SLC8A1: variants seen among roughly 807,000 people sequenced by gnomAD.
SLC8A1 encodes solute carrier family 8 member A1, also known as sodium/calcium exchanger 1.
In SLC8A1, 18 loss-of-function variants were observed where a neutral mutation model predicts 68.3. That is an observed-to-expected ratio of 0.26 (90% CI 0.18 to 0.39). The LOEUF (loss-of-function observed/expected upper bound fraction) is 0.39. SLC8A1 is among the 10% of genes least tolerant of loss of function. The probability of loss-of-function intolerance (pLI) is 1.00; values close to 1 mark genes in which losing one functional copy is unlikely to be tolerated. For missense variants in SLC8A1, 985 were observed against 1,156.7 expected (o/e 0.85, Z 2.15); for synonymous variants, 475 against 415.5 (o/e 1.14, Z -1.74).
At chr2:40,454,818 C>T (rs114567638), upstream of SLC8A1, among the ~76,000 whole-genome samples, 296 of 152,108 alleles carry the variant, frequency 1.9e-3, no homozygotes, top group African/African-American at 6.5e-3. Flanking sequence ...GTTTTTATTG[C>T]GAGAATTATC....
At chr2:40,283,188 G>A (rs908399595) in intron 2 of SLC8A1, among the ~76,000 whole-genome samples, 2 of 152,082 alleles carry the variant, frequency 1.3e-5, no homozygotes, top group African/African-American at 2.4e-5. Context: ...TTTCCTTTTT[G>A]TTCTCTAATG....
chr2:40,119,794 A>T (rs1558425205), intron 7 of SLC8A1, among the ~76,000 whole-genome samples: 1 of 152,196 alleles, frequency 6.6e-6, no homozygotes, highest in Non-Finnish European at 1.5e-5. Context: ...TTGAATTCTA[A>T]TTAATTTTAG....
chr2:40,105,918 G>T (rs544337759), exon 8 of SLC8A1: 2 of 152,188 alleles, frequency 1.3e-5, no homozygotes, highest in Non-Finnish European at 2.9e-5. Context: ...ACAGTGATAG[G>T]TTTCCCCTGC....
At chr2:40,475,415 G>T (rs901179540) in intron 1 of SLC8A1, among the ~76,000 whole-genome samples, 18 of 152,094 alleles carry the variant, frequency 1.2e-4, no homozygotes, top group Non-Finnish European at 2.2e-4. Context: ...TTACAGGCAT[G>T]AGCCACCGTG....
intron 1 of SLC8A1, among the ~76,000 whole-genome samples, chr2:40,462,362 ATAAC>A (rs768367183): frequency 3.9e-5 from 6 of 152,018 alleles, no homozygotes; most frequent in South Asian, 2.1e-4. Flanking sequence ...TTAATCAACT[ATAAC>A]TAAATAAATT....
chr2:40,382,435 C>T (rs536360673), intron 2 of SLC8A1, among the ~76,000 whole-genome samples: 19 of 151,998 alleles, frequency 1.3e-4, no homozygotes, highest in East Asian at 5.8e-4. Context: ...CTTTTGTTAC[C>T]GTAATTTCCA....
chr2:40,271,724 C>G (rs1422197152), intron 2 of SLC8A1, among the ~76,000 whole-genome samples: 2 of 152,034 alleles, frequency 1.3e-5, no homozygotes, highest in African/African-American at 4.8e-5. Flanking sequence ...TTTGATGAGC[C>G]CTTTTAAGTG....
rs536479922 is a variant in SLC8A1 at position 40,304,533 on chromosome 2, C to A, written c.1808+123940G>T. 2.6e-5 allele frequency among the ~76,000 whole-genome samples: 4 copies of A among 152,296 alleles called. No individual in the cohort carries two copies. The East Asian group carries it at 7.7e-4, about 29-fold the overall frequency. Reference sequence around the variant, plus strand: ...CAGTCTGGGCTGCTGCCTCTCACCCCCGCAGTCTCAGAGCTTTGGCCTCTC... The same window carrying A: ...CAGTCTGGGCTGCTGCCTCTCACCCACGCAGTCTCAGAGCTTTGGCCTCTC... On this transcript the variant is annotated intron_variant, in intron 2 of 7. Coordinates refer to ENST00000406785, the Ensembl canonical transcript of SLC8A1.
chr2:40,133,376 T>A (rs1473662818), intron 7 of SLC8A1, among the ~76,000 whole-genome samples: 1 of 99,870 alleles, frequency 1.0e-5, no homozygotes, highest in Non-Finnish European at 2.0e-5. Flanking sequence ...ATTAAAAAGG[T>A]TCTATATACA....
At chr2:40,128,227 G>T (rs550608740) in intron 7 of SLC8A1, among the ~76,000 whole-genome samples, 4 of 152,308 alleles carry the variant, frequency 2.6e-5, no homozygotes, top group South Asian at 2.1e-4. Flanking sequence ...CATTTTATTT[G>T]TTCTCTTTTC....
At chr2:40,435,742 C>G (rs1414501206) in intron 1 of SLC8A1, among the ~76,000 whole-genome samples, 2 of 151,984 alleles carry the variant, frequency 1.3e-5, no homozygotes, top group Non-Finnish European at 2.9e-5. Context: ...TGGCCCTTTC[C>G]CCTACTTTAT....
At chr2:40,276,500 A>G (rs1416206763) in intron 2 of SLC8A1, among the ~76,000 whole-genome samples, 4 of 152,232 alleles carry the variant, frequency 2.6e-5, no homozygotes, top group Non-Finnish European at 5.9e-5. Context: ...AGCCAACAGA[A>G]GAAAAGTGCC....
At chr2:40,252,995 A>G (rs948643254) in intron 2 of SLC8A1, among the ~76,000 whole-genome samples, 2 of 140,180 alleles carry the variant, frequency 1.4e-5, no homozygotes, top group Non-Finnish European at 1.6e-5. Flanking sequence ...GTATATATGT[A>G]TATACATATA....
intron 7 of SLC8A1, among the ~76,000 whole-genome samples, chr2:40,128,766 C>T (rs920410403): frequency 6.6e-6 from 1 of 152,030 alleles, no homozygotes; most frequent in Admixed American, 6.5e-5. Flanking sequence ...CAATGAAGAA[C>T]AAAAAATATC....
intron 2 of SLC8A1, among the ~76,000 whole-genome samples, chr2:40,310,062 T>TCA (rs1377022866): frequency 3.3e-5 from 5 of 152,232 alleles, no homozygotes; most frequent in Admixed American, 1.3e-4. Flanking sequence ...ATACAATATG[T>TCA]CACCTTTTGT....
intron 2 of SLC8A1, among the ~76,000 whole-genome samples, chr2:40,226,285 T>C (rs1574338335): frequency 6.6e-6 from 1 of 152,164 alleles, no homozygotes; most frequent in African/African-American, 2.4e-5. Context: ...TGTAATTACA[T>C]AATGATCCAA....
At chr2:40,443,336 A>T (rs962215402) in intron 1 of SLC8A1, among the ~76,000 whole-genome samples, 1 of 152,202 alleles carries the variant, frequency 6.6e-6, no homozygotes, top group Non-Finnish European at 1.5e-5. Flanking sequence ...TATAAAACTA[A>T]GTAACAGAGG....
chr2:40,259,979 A>G (rs2064471469), intron 2 of SLC8A1, among the ~76,000 whole-genome samples: 1 of 152,182 alleles, frequency 6.6e-6, no homozygotes, highest in South Asian at 2.1e-4. Context: ...TATGTGTTCT[A>G]TGTCTCATCC....
intron 2 of SLC8A1, among the ~76,000 whole-genome samples, chr2:40,295,651 G>A (rs1341741567): frequency 6.6e-6 from 1 of 152,120 alleles, no homozygotes; most frequent in Non-Finnish European, 1.5e-5. Context: ...AGAATGAAAT[G>A]AGGCACAAGA....
Sources: gnomAD v4.1 joint callset for allele counts (sites outside exome capture counted in the v4.1 genomes callset) on GRCh38, gnomAD v4.1.1 for gene constraint, MANE v1.5 for transcripts, NCBI Gene and HGNC (gene_info 2026-07-23, HGNC 2026-07-21) for gene names.